PRKN: variants seen among roughly 807,000 people sequenced by gnomAD.
The protein encoded by PRKN is E3 ubiquitin-protein ligase parkin.
A neutral mutation model predicts 59.5 loss-of-function variants in PRKN; 56 were observed. The observed-to-expected ratio is 0.94, with a 90% CI of 0.76 to 1.18. PRKN has a LOEUF of 1.18. Ranked by LOEUF, PRKN falls within the 50% of genes most tolerant of loss-of-function variation. The pLI is 0.00. For missense variants in PRKN, 657 were observed against 596.4 expected (o/e 1.10, Z -1.06); for synonymous variants, 250 against 222.1 (o/e 1.13, Z -1.12).
chr6:161,480,785 C>T lies in PRKN; in HGVS notation c.1083+68069G>A, dbSNP rs1791353745. On this transcript the variant is annotated intron_variant, in intron 9 of 11. Transcript: ENST00000366898. The surrounding 1 kb of genome is among the most constrained non-coding windows in gnomAD (Gnocchi z 4.1). Reference sequence around the variant, plus strand: ...CAGGCCTTATCTGAAATACCTGCCTCAGCACATGCTGAAAGTATCAATAAA... The same window carrying T: ...CAGGCCTTATCTGAAATACCTGCCTTAGCACATGCTGAAAGTATCAATAAA... Among the ~76,000 whole-genome samples the T allele has an allele frequency of 6.6e-6, 1 of 152,250 alleles. No individual in the cohort carries two copies. The highest frequency in any genetic ancestry group is 2.4e-5 in the African/African-American group (1 of 41,458).
chr6:162,617,798 T>C (rs2846531), intron 1 of PRKN, among the ~76,000 whole-genome samples: 93,047 of 151,862 alleles, frequency 0.61, 29,221 homozygotes, highest in African/African-American at 0.75. Flanking sequence ...TATAAAACCA[T>C]AGTAATAACT....
intron 5 of PRKN, among the ~76,000 whole-genome samples, chr6:162,033,947 A>C (rs978458217): frequency 3.3e-5 from 5 of 152,148 alleles, no homozygotes; most frequent in African/African-American, 1.2e-4. Context: ...ACATAGCCCT[A>C]TGAAATATTA....
chr6:161,465,134 T>G (rs552321324), intron 9 of PRKN, among the ~76,000 whole-genome samples: 4 of 152,194 alleles, frequency 2.6e-5, no homozygotes, highest in Admixed American at 6.5e-5. Flanking sequence ...CGGTGAGTCT[T>G]CTTTCATACC....
intron 1 of PRKN, among the ~76,000 whole-genome samples, chr6:162,491,018 G>T (rs1047415542): frequency 5.9e-5 from 9 of 151,802 alleles, no homozygotes; most frequent in Non-Finnish European, 8.8e-5. Context: ...CAGGAGAATC[G>T]CTTGAACCCA....
intron 4 of PRKN, among the ~76,000 whole-genome samples, chr6:162,111,479 C>T (rs1463061705): frequency 1.3e-5 from 2 of 151,912 alleles, no homozygotes; most frequent in East Asian, 1.9e-4. Flanking sequence ...AAAAGAGATG[C>T]ACACTACAAC....
rs1298360184 is a variant in PRKN at position 161,397,090 on chromosome 6, A to T, written c.1084-10213T>A. On this transcript the variant is annotated intron_variant, in intron 9 of 11. Coordinates refer to ENST00000366898, the MANE Select transcript of PRKN (RefSeq NM_004562.3). The surrounding 1 kb of genome is among the most constrained non-coding windows in gnomAD (Gnocchi z 4.2). ...TCTTCCCAAGCCCTGTTTCTTACTC[A>T]TACCTCTATTAAACTGTTTCACCCT... 6.6e-6 allele frequency among the ~76,000 whole-genome samples: 1 copy of T among 152,162 alleles called. No homozygotes were observed. Among genetic ancestry groups the T allele is most frequent in the Non-Finnish European group, 1.5e-5 (1 of 68,042 alleles).
In PRKN at chr6:161,680,761, ATATATATATATATATTTT is replaced by A. The variant is rs1334579156; in HGVS notation, c.871+104993_871+105010del. On this transcript the variant is annotated intron_variant, in intron 7 of 11. Transcript: ENST00000366898. ...TATATATATATATATATATATATAT[ATATATATATATATATTTT>A]TTTTTTTTTTTCTTTTCCTAAAACA... Among the ~76,000 whole-genome samples, 34 of 9,878 alleles carry A rather than the reference ATATATATATATATATTTT, an allele frequency of 3.4e-3. 2 individuals are homozygous for A. The highest frequency in any genetic ancestry group is 6.2e-3 in the East Asian group (1 of 162). The allele number at this position is 9,878 out of a possible 152,430, so 6.5% of individuals were successfully genotyped here.
chr6:161,558,922 C>T (rs1158360166), intron 8 of PRKN, among the ~76,000 whole-genome samples: 5 of 151,722 alleles, frequency 3.3e-5, no homozygotes, highest in African/African-American at 1.2e-4. Flanking sequence ...TTTTCTTCAT[C>T]CCTGAACATC....
chr6:162,479,390 T>A (rs896400129), intron 1 of PRKN, among the ~76,000 whole-genome samples: 30 of 152,056 alleles, frequency 2.0e-4, no homozygotes, highest in African/African-American at 7.0e-4. Context: ...CATCCCCAGC[T>A]AATTTTTTTT....
intron 5 of PRKN, among the ~76,000 whole-genome samples, chr6:162,000,694 C>T (rs1442237350): frequency 6.6e-6 from 1 of 151,980 alleles, no homozygotes; most frequent in Non-Finnish European, 1.5e-5. Context: ...ATGGATTATG[C>T]ACTTGGTATC....
intron 1 of PRKN, among the ~76,000 whole-genome samples, chr6:162,618,239 G>A (rs1440472688): frequency 6.6e-6 from 1 of 152,038 alleles, no homozygotes; most frequent in African/African-American, 2.4e-5. Flanking sequence ...TAAGGAAAGG[G>A]TCTTATGAAG....
At chr6:162,219,768 T>TAGTTTC (rs1440366646) in intron 3 of PRKN, among the ~76,000 whole-genome samples, 2 of 152,284 alleles carry the variant, frequency 1.3e-5, no homozygotes, top group African/African-American at 4.8e-5. Flanking sequence ...ATTAAATGAT[T>TAGTTTC]AGTTTCTTTA....
At chr6:161,886,539 A>G (rs1362679228) in intron 6 of PRKN, among the ~76,000 whole-genome samples, 2 of 152,018 alleles carry the variant, frequency 1.3e-5, no homozygotes, top group African/African-American at 2.4e-5. Context: ...TCTACTAACA[A>G]TACAAAATTA....
At position 161,423,056 on chromosome 6, in the gene PRKN, G is replaced by A. The variant is rs992488917; in HGVS notation, c.1084-36179C>T. ...ATAAATCCATTTACATGTCAGTATC[G>A]TAGTGAGAAATGCACGCACTATGAG... On this transcript the variant is annotated intron_variant, in intron 9 of 11. Coordinates refer to ENST00000366898, the MANE Select transcript of PRKN (RefSeq NM_004562.3). The surrounding 1 kb of genome is among the most constrained non-coding windows in gnomAD (Gnocchi z 5.9). 3.9e-5 allele frequency among the ~76,000 whole-genome samples: 6 copies of A among 152,102 alleles called. No homozygotes were observed. The highest frequency in any genetic ancestry group is 2.6e-4 in the Admixed American group (4 of 15,264).
At chr6:162,259,796 C>A (rs1320006218) in intron 3 of PRKN, among the ~76,000 whole-genome samples, 1 of 152,172 alleles carries the variant, frequency 6.6e-6, no homozygotes, top group African/African-American at 2.4e-5. Flanking sequence ...CACCACTCTT[C>A]TAAGAGATTT....
chr6:161,485,755 C>G (rs895997259), intron 9 of PRKN, among the ~76,000 whole-genome samples: 2 of 151,802 alleles, frequency 1.3e-5, no homozygotes, highest in Non-Finnish European at 2.9e-5. Flanking sequence ...TTAGACTGAA[C>G]TGGGATAATC....
intron 9 of PRKN, among the ~76,000 whole-genome samples, chr6:161,532,165 T>C (rs1779242511): frequency 2.5e-5 from 1 of 40,720 alleles, no homozygotes. Context: ...TCTCTCTCTC[T>C]CTATATATAT....
intron 8 of PRKN, among the ~76,000 whole-genome samples, chr6:161,553,849 C>G (rs1392270821): frequency 1.3e-5 from 2 of 152,164 alleles, no homozygotes; most frequent in African/African-American, 4.8e-5. Context: ...GATGAGTTTC[C>G]ATAACATGAT....
At chr6:162,231,709 G>A (rs1300931631) in intron 3 of PRKN, among the ~76,000 whole-genome samples, 2 of 152,168 alleles carry the variant, frequency 1.3e-5, no homozygotes, top group African/African-American at 2.4e-5. Context: ...CGAATATGCT[G>A]AGGTTTTGGT....
Sources: gnomAD v4.1 joint callset for allele counts (sites outside exome capture counted in the v4.1 genomes callset) on GRCh38, gnomAD v4.1.1 for gene constraint, Gnocchi (gnomAD v3.1) non-coding constraint, MANE v1.5 for transcripts, NCBI Gene and HGNC (gene_info 2026-07-23, HGNC 2026-07-21) for gene names.